Variants in PLXNA4 observed in about 807,000 individuals in gnomAD.
PLXNA4 encodes the protein plexin A4.
Under a neutral mutation model 191.8 loss-of-function variants are expected in PLXNA4, and 44 were observed. That is an observed-to-expected ratio of 0.23 (90% confidence interval 0.18 to 0.29). PLXNA4 has a LOEUF of 0.29. Among genes scored for constraint, PLXNA4 ranks in the 10% least tolerant of loss-of-function variants. PLXNA4 has a pLI of 1.00. For missense variants in PLXNA4, 1,800 were observed against 2,488.8 expected, an observed-to-expected ratio of 0.72 and a Z score of 5.89; for synonymous variants, 1,082 against 1,009.5, an observed-to-expected ratio of 1.07 and a Z score of -1.36.
At chr7:132,267,315 C>T (rs1025217319) in intron 4 of PLXNA4, among the ~76,000 whole-genome samples, 4 of 152,210 alleles carry the variant, frequency 2.6e-5, no homozygotes, top group African/African-American at 9.7e-5. Flanking sequence ...GAACACTTTC[C>T]TCTCTAGTCA....
At chr7:132,161,378 G>A (rs2116635414) in intron 24 of PLXNA4, among the ~76,000 whole-genome samples, 1 of 152,346 alleles carries the variant, frequency 6.6e-6, no homozygotes, top group Admixed American at 6.5e-5. Context: ...AGAGCCCCTG[G>A]CCACTGGCCA....
chr7:132,363,718 G>T (rs149755959), intron 3 of PLXNA4, among the ~76,000 whole-genome samples: 23 of 152,318 alleles, frequency 1.5e-4, no homozygotes, highest in African/African-American at 2.4e-4. Flanking sequence ...AAGTGTAACC[G>T]CTGGATCATA....
intron 3 of PLXNA4, among the ~76,000 whole-genome samples, chr7:132,473,310 T>C (rs1585186968): frequency 6.6e-6 from 1 of 152,184 alleles, no homozygotes; most frequent in Admixed American, 6.5e-5. Flanking sequence ...AGTTTCTTAG[T>C]GTGTCTGGTG....
chr7:132,191,772 A>C (rs57776650), intron 14 of PLXNA4, among the ~76,000 whole-genome samples: 416 of 142,686 alleles, frequency 2.9e-3, no homozygotes, highest in African/African-American at 4.9e-3. Context: ...TCCTCTCTCC[A>C]TCTCTCTCTC....
chr7:132,384,143 T>C (rs1805016372), intron 3 of PLXNA4: 3 of 985,284 alleles, frequency 3.0e-6, no homozygotes, highest in Non-Finnish European at 3.6e-6. Flanking sequence ...ATTCATTCCC[T>C]CCCACAGGCC....
At chr7:132,404,225 A>T (rs1440423691) in intron 3 of PLXNA4, among the ~76,000 whole-genome samples, 1 of 152,192 alleles carries the variant, frequency 6.6e-6, no homozygotes, top group African/African-American at 2.4e-5. Context: ...GTGAGGCTAC[A>T]CACAATGCCA....
intron 5 of PLXNA4, among the ~76,000 whole-genome samples, chr7:132,230,856 A>G (rs1798501626): frequency 6.6e-6 from 1 of 152,264 alleles, no homozygotes; most frequent in African/African-American, 2.4e-5. Flanking sequence ...AGCGAAAAGC[A>G]GAGCTGTTTC....
intron 3 of PLXNA4, among the ~76,000 whole-genome samples, chr7:132,487,034 A>G (rs974789086): frequency 2.6e-5 from 4 of 152,230 alleles, no homozygotes; most frequent in Non-Finnish European, 5.9e-5. Context: ...AAACAGCACA[A>G]AAATGCAAGT....
chr7:132,415,654 T>G (rs1794634527), intron 3 of PLXNA4, among the ~76,000 whole-genome samples: 2 of 152,220 alleles, frequency 1.3e-5, no homozygotes, highest in African/African-American at 4.8e-5. Flanking sequence ...CTCCTCACTC[T>G]CAGCTAACCT....
intron 1 of PLXNA4, among the ~76,000 whole-genome samples, chr7:132,533,925 CTAT>C (rs61158936): frequency 3.5e-4 from 52 of 150,056 alleles, no homozygotes; most frequent in Admixed American, 2.1e-3. Context: ...AAGGATATTA[CTAT>C]TATTATTATT....
chr7:132,168,169 G>C, intron 22 of PLXNA4, 135 bp downstream of exon 22: 1 of 1,294,896 alleles, frequency 7.7e-7, no homozygotes, highest in Non-Finnish European at 1.0e-6. Flanking sequence ...TGTAGTCCTG[G>C]CTCTGGGCTA....
chr7:132,315,309 G>A (rs974553759), intron 3 of PLXNA4, among the ~76,000 whole-genome samples: 2 of 152,112 alleles, frequency 1.3e-5, no homozygotes, highest in Non-Finnish European at 2.9e-5. Flanking sequence ...TTTCAAATAA[G>A]ATTTGGCTGG....
intron 3 of PLXNA4, among the ~76,000 whole-genome samples, chr7:132,420,139 G>C (rs1357280529): frequency 2.0e-5 from 3 of 152,156 alleles, no homozygotes; most frequent in Admixed American, 6.5e-5. Context: ...TTCCACACCT[G>C]CCCACGAGTC....
At position 132,508,750 on chromosome 7, in the gene PLXNA4, G is replaced by A; in HGVS notation, c.-57C>T. ...CTCAGGCACAGTCGTCCCCTCAGAGGGCCAGGACTCAGCAATGCAGTCTCC... is the reference window on the plus strand; with the variant it reads ...CTCAGGCACAGTCGTCCCCTCAGAGAGCCAGGACTCAGCAATGCAGTCTCC... On this transcript the variant is annotated 5_prime_UTR_variant, in exon 2 of 32. Transcript: ENST00000321063. This position sits in a 1 kb window ranked among gnomAD's most constrained non-coding sequence, Gnocchi z 4.4. The A allele has an allele frequency of 6.9e-7, 1 of 1,450,074 alleles. No individual in the cohort carries two copies. The highest frequency in any genetic ancestry group is 9.0e-7 in the Non-Finnish European group (1 of 1,106,524). The allele number at this position is 1,450,074 out of a possible 1,614,324, so 89.8% of individuals were successfully genotyped here.
intron 2 of PLXNA4, among the ~76,000 whole-genome samples, chr7:132,493,730 G>T (rs1024639340): frequency 7.3e-6 from 1 of 136,128 alleles, no homozygotes; most frequent in East Asian, 2.2e-4. Flanking sequence ...TGGGTGGATG[G>T]GTGGATGGGT....
intron 3 of PLXNA4, among the ~76,000 whole-genome samples, chr7:132,415,348 G>C (rs1285476767): frequency 6.6e-6 from 1 of 152,218 alleles, no homozygotes; most frequent in Admixed American, 6.5e-5. Context: ...GTGTGTGTGT[G>C]CACGGGTATG....
intron 4 of PLXNA4, among the ~76,000 whole-genome samples, chr7:132,257,980 A>G (rs1032506288): frequency 2.6e-5 from 4 of 152,236 alleles, no homozygotes; most frequent in African/African-American, 4.8e-5. Flanking sequence ...GGGCCTTAAT[A>G]AAGCCAGCTC....
intron 1 of PLXNA4, among the ~76,000 whole-genome samples, chr7:132,553,631 A>T (rs926154934): frequency 6.6e-6 from 1 of 152,178 alleles, no homozygotes; most frequent in East Asian, 1.9e-4. Flanking sequence ...AAAGTCTGCC[A>T]CTGGAACATG....
intron 4 of PLXNA4, among the ~76,000 whole-genome samples, chr7:132,242,176 A>G (rs562524151): frequency 2.7e-5 from 4 of 146,482 alleles, no homozygotes; most frequent in African/African-American, 7.6e-5. Flanking sequence ...ATTTTACATC[A>G]TCCTCTTCCA....
Sources: gnomAD v4.1 joint callset for allele counts (sites outside exome capture counted in the v4.1 genomes callset) on GRCh38, gnomAD v4.1.1 for gene constraint, Gnocchi (gnomAD v3.1) non-coding constraint, MANE v1.5 for transcripts, NCBI Gene and HGNC (gene_info 2026-07-23, HGNC 2026-07-21) for gene names.